BMP7: variants seen among roughly 807,000 people sequenced by gnomAD.
The protein encoded by BMP7 is osteogenic protein 1.
A neutral mutation model predicts 41.2 loss-of-function variants in BMP7; 12 were observed. The ratio of observed to expected loss-of-function variants is 0.29; its 90% CI spans 0.19 to 0.47. BMP7 has a LOEUF of 0.47. BMP7 is among the 20% of genes least tolerant of loss of function. The probability of loss-of-function intolerance (pLI) is 0.99; values close to 1 mark genes in which losing one functional copy is unlikely to be tolerated. For synonymous variants in BMP7, 248 were observed against 250.0 expected (o/e 0.99, Z 0.07); for missense variants, 467 against 606.0 (o/e 0.77, Z 2.41).
At chr20:57,209,249 T>TTATTTATATATATA (rs1555814046) in intron 2 of BMP7, among the ~76,000 whole-genome samples, 11 of 94,870 alleles carry the variant, frequency 1.2e-4, no homozygotes, top group African/African-American at 3.8e-4. Context: ...TTATATATTT[T>TTATTTATATATATA]TATATATATA....
At chr20:57,192,893 A>G (rs1024619470) in intron 3 of BMP7, among the ~76,000 whole-genome samples, 3 of 152,174 alleles carry the variant, frequency 2.0e-5, no homozygotes, top group Non-Finnish European at 2.9e-5. Context: ...GGCATCTTGT[A>G]TTCTATCTCC....
chr20:57,247,594 A>C (rs1188378550), intron 1 of BMP7, among the ~76,000 whole-genome samples: 1 of 152,204 alleles, frequency 6.6e-6, no homozygotes, highest in Non-Finnish European at 1.5e-5. Context: ...AGCAGAAGGC[A>C]TATAGGTGCC....
intron 2 of BMP7, among the ~76,000 whole-genome samples, chr20:57,206,242 C>A (rs1052046017): frequency 6.6e-6 from 1 of 152,124 alleles, no homozygotes; most frequent in Non-Finnish European, 1.5e-5. Flanking sequence ...GGGTGAAAGG[C>A]CCTGAGGAAC....
At chr20:57,254,017 C>CTTTTTTTTTTTTTTT (rs35180643) in intron 1 of BMP7, among the ~76,000 whole-genome samples, 5 of 71,532 alleles carry the variant, frequency 7.0e-5, no homozygotes, top group Non-Finnish European at 9.7e-5. Context: ...GGTTTCTTTC[C>CTTTTTTTTTTTTTTT]TTTTTTTTTT....
At chr20:57,211,008 G>A (rs188713492) in intron 2 of BMP7, among the ~76,000 whole-genome samples, 102 of 152,270 alleles carry the variant, frequency 6.7e-4, no homozygotes, top group African/African-American at 2.2e-3. Flanking sequence ...ATCCCCCTCT[G>A]CTACCTTCAG....
intron 3 of BMP7, among the ~76,000 whole-genome samples, chr20:57,191,619 A>G (rs1298167377): frequency 6.6e-6 from 1 of 151,700 alleles, no homozygotes; most frequent in Non-Finnish European, 1.5e-5. Flanking sequence ...AATCCCAGCT[A>G]CTTGGGAGGC....
At chr20:57,204,143 G>C (rs1241812859) in intron 2 of BMP7, among the ~76,000 whole-genome samples, 1 of 152,152 alleles carries the variant, frequency 6.6e-6, no homozygotes, top group Non-Finnish European at 1.5e-5. Context: ...AGTTCTTCTG[G>C]ACACTGCCTT....
At chr20:57,178,843 C>T (rs1342175076) in intron 4 of BMP7, among the ~76,000 whole-genome samples, 1 of 152,186 alleles carries the variant, frequency 6.6e-6, no homozygotes, top group Non-Finnish European at 1.5e-5. Flanking sequence ...TGTGTTCAGG[C>T]TCCGTCAGAA....
Position 57,215,340 on chromosome 20 carries a change from C to G in BMP7, c.612-12717G>C, listed in dbSNP as rs1361894898. The stretch of plus-strand genomic sequence containing the variant: ...TCGGAGCCACCTCCTTTCCCCACAT[C>G]AGGCAAAAATCAAGAGGACTCAGGT... On this transcript the variant is annotated intron_variant, in intron 2 of 6. Coordinates refer to ENST00000395863, the MANE Select transcript of BMP7 (RefSeq NM_001719.3). The surrounding 1 kb of genome is among the most constrained non-coding windows in gnomAD (Gnocchi z 4.2). Among the ~76,000 whole-genome samples the G allele has an allele frequency of 6.6e-6, 1 of 152,238 alleles. No individual in the cohort carries two copies. The highest frequency in any genetic ancestry group is 1.5e-5 in the Non-Finnish European group (1 of 68,042).
intron 1 of BMP7, among the ~76,000 whole-genome samples, chr20:57,258,185 C>G (rs4811831): frequency 6.6e-6 from 1 of 152,090 alleles, no homozygotes; most frequent in African/African-American, 2.4e-5. Context: ...CTTGGTGAGT[C>G]GGATTTTTCA....
At chr20:57,239,887 C>T (rs919037929) in intron 1 of BMP7, among the ~76,000 whole-genome samples, 4 of 152,194 alleles carry the variant, frequency 2.6e-5, no homozygotes, top group African/African-American at 9.7e-5. Flanking sequence ...CTAGGGTGCA[C>T]ACAGCAGGGG....
intron 3 of BMP7, among the ~76,000 whole-genome samples, chr20:57,188,320 C>T (rs75809999): frequency 3.9e-5 from 6 of 152,140 alleles, no homozygotes; most frequent in Non-Finnish European, 8.8e-5. Context: ...ACCTTCAACT[C>T]GTTACACGAA....
In BMP7 at chr20:57,171,537, C is replaced by T. The variant is rs920468566; in HGVS notation, c.1147-429G>A. ...TAGACTCAAATGCCTATGAGTGCCA[C>T]GTGAGTGCCACTGATAAGCAAAATA... On this transcript the variant is annotated intron_variant, in intron 6 of 6. Transcript: ENST00000395863. This position sits in a 1 kb window ranked among gnomAD's most constrained non-coding sequence, Gnocchi z 4.5. Among the ~76,000 whole-genome samples the T allele has an allele frequency of 3.3e-5, 5 of 152,156 alleles. No homozygotes were observed. The highest frequency in any genetic ancestry group is 6.5e-5 in the Admixed American group (1 of 15,274).
intron 1 of BMP7, among the ~76,000 whole-genome samples, chr20:57,257,311 T>C (rs1163299070): frequency 1.3e-5 from 2 of 152,198 alleles, no homozygotes; most frequent in African/African-American, 4.8e-5. Flanking sequence ...AAATCATGAT[T>C]TTGAAAACAC....
intron 2 of BMP7, among the ~76,000 whole-genome samples, chr20:57,220,444 C>T (rs1985162584): frequency 6.6e-6 from 1 of 152,212 alleles, no homozygotes; most frequent in Non-Finnish European, 1.5e-5. Context: ...AAAGCAATTA[C>T]AGATCCTGAT....
intron 2 of BMP7, among the ~76,000 whole-genome samples, chr20:57,209,247 T>TATATATA (rs1984815814): frequency 1.4e-5 from 1 of 69,876 alleles, no homozygotes; most frequent in Non-Finnish European, 2.8e-5. Flanking sequence ...ATTTATATAT[T>TATATATA]TTTATATATA....
chr20:57,223,480 G>A (rs906128058), intron 2 of BMP7, among the ~76,000 whole-genome samples: 1 of 152,184 alleles, frequency 6.6e-6, no homozygotes, highest in East Asian at 1.9e-4. Flanking sequence ...CTGAGCCCCA[G>A]GTGAGGGAAT....
At chr20:57,230,184 C>T (rs1048294037) in intron 1 of BMP7, among the ~76,000 whole-genome samples, 4 of 152,182 alleles carry the variant, frequency 2.6e-5, no homozygotes, top group Admixed American at 6.5e-5. Flanking sequence ...TGTCACAACA[C>T]GCCCCTCACG....
intron 2 of BMP7, among the ~76,000 whole-genome samples, chr20:57,227,123 G>A (rs901857347): frequency 2.0e-5 from 3 of 152,048 alleles, no homozygotes; most frequent in Non-Finnish European, 2.9e-5. Context: ...TACCACACCC[G>A]GCCTAAAAAC....
Sources: gnomAD v4.1 joint callset for allele counts (sites outside exome capture counted in the v4.1 genomes callset) on GRCh38, gnomAD v4.1.1 for gene constraint, Gnocchi (gnomAD v3.1) non-coding constraint, MANE v1.5 for transcripts, NCBI Gene and HGNC (gene_info 2026-07-23, HGNC 2026-07-21) for gene names.